The following CUX2 variants were observed in gnomAD, a reference collection of about 807,000 sequenced individuals.
CUX2 encodes the protein cut like homeobox 2, also known as homeobox protein cut-like 2.
In CUX2, 40 loss-of-function variants were observed where a neutral mutation model predicts 144.8. The ratio of observed to expected loss-of-function variants is 0.28; its 90% confidence interval spans 0.21 to 0.36. The LOEUF is 0.36. Ranked by LOEUF, CUX2 falls within the 10% of genes least tolerant of loss-of-function variation. The pLI, the probability that CUX2 is intolerant of heterozygous loss-of-function variation, is 1.00. For synonymous variants in CUX2, 827 were observed against 875.6 expected, an observed-to-expected ratio of 0.94 and a Z score of 0.98; for missense variants, 1,615 against 1,994.0, an observed-to-expected ratio of 0.81 and a Z score of 3.62.
chr12:111,045,077 C>T (rs1014730059), intron 1 of CUX2, among the ~76,000 whole-genome samples: 14 of 152,188 alleles, frequency 9.2e-5, no homozygotes, highest in Admixed American at 7.9e-4. Flanking sequence ...TCATCCAGGA[C>T]ACAAGACAGC....
At chr12:111,119,508 C>T (rs1874502689) in intron 1 of CUX2, among the ~76,000 whole-genome samples, 1 of 152,060 alleles carries the variant, frequency 6.6e-6, no homozygotes, top group South Asian at 2.1e-4. Flanking sequence ...TGAATGTTCC[C>T]ACTGAGCCAA....
chr12:111,126,903 C>T (rs548507762), intron 1 of CUX2, among the ~76,000 whole-genome samples: 1 of 152,238 alleles, frequency 6.6e-6, no homozygotes, highest in South Asian at 2.1e-4. Flanking sequence ...ATCCTGTGTA[C>T]AACCAAAAAT....
chr12:111,296,639 C>G lies in CUX2; in HGVS notation c.704+100C>G, dbSNP rs941251306. ...GTACTTGCCTCCTCCCTCTGACCCT[C>G]CCAGACACACCTCCTCCCTCTGACC... On this transcript the variant is annotated intron_variant, in intron 8 of 21. Transcript: ENST00000261726. 1.3e-4 allele frequency: 134 copies of G among 1,052,418 alleles called. 2 individuals are homozygous for G. In the South Asian group the frequency reaches 1.8e-3, roughly 14 times the overall value. The allele number at this position is 1,052,418 out of a possible 1,614,324, so 65.2% of individuals were successfully genotyped here.
intron 5 of CUX2, among the ~76,000 whole-genome samples, chr12:111,292,021 GAA>G (rs1270659647): frequency 6.6e-6 from 1 of 152,184 alleles, no homozygotes; most frequent in African/African-American, 2.4e-5. Flanking sequence ...GTAGGGAGGG[GAA>G]AATGTCTGGC....
chr12:111,041,649 C>G (rs1018114478), intron 1 of CUX2, among the ~76,000 whole-genome samples: 2 of 152,212 alleles, frequency 1.3e-5, no homozygotes, highest in Admixed American at 1.3e-4. Context: ...ATCAGGAGCT[C>G]TGGCCACTGT....
At chr12:111,135,253 G>T (rs550645311) in intron 1 of CUX2, among the ~76,000 whole-genome samples, 1 of 152,254 alleles carries the variant, frequency 6.6e-6, no homozygotes, top group Admixed American at 6.5e-5. Flanking sequence ...TGTGGGATAG[G>T]TAGAGCTCAT....
At chr12:111,316,449 CT>C (rs35751838) in intron 16 of CUX2, among the ~76,000 whole-genome samples, 163 of 113,320 alleles carry the variant, frequency 1.4e-3, no homozygotes, top group Admixed American at 1.3e-3. Flanking sequence ...CCCGGCACTT[CT>C]TTTTTTTTTT....
intron 1 of CUX2, among the ~76,000 whole-genome samples, chr12:111,091,044 G>A (rs568260971): frequency 1.1e-4 from 16 of 152,254 alleles, no homozygotes; most frequent in East Asian, 5.8e-4. Context: ...GTCTGTGCCC[G>A]GCTGCGCCGT....
rs954472479 is a variant in CUX2, at chr12:111,314,639, TAAAA to T, written c.2002+2464_2002+2467del. 1.2e-3 allele frequency among the ~76,000 whole-genome samples: 29 copies of T among 23,238 alleles called. 1 individual carries two copies. Among genetic ancestry groups the T allele is most frequent in the Middle Eastern group, 0.029 (1 of 34 alleles). The allele number at this position is 23,238 out of a possible 152,430, so 15.2% of individuals were successfully genotyped here. A position where few individuals can be genotyped will look rare whatever the true frequency, so the allele number is the denominator to read the frequency against. On this transcript the variant is annotated intron_variant, in intron 16 of 21. Coordinates refer to ENST00000261726, the MANE Select transcript of CUX2 (RefSeq NM_015267.4). The stretch of plus-strand genomic sequence containing the variant: ...TGCGCAACAAGAGCAAAACTCAGTC[TAAAA>T]AAAAAAAAAAAAAAAAAAAAAAAAA...
In CUX2 at chr12:111,310,756, C is replaced by A. The variant is rs1398637907; in HGVS notation, c.1900+74C>A. On this transcript the variant is annotated intron_variant, in intron 15 of 21. Transcript: ENST00000261726. The surrounding 1 kb of genome is among the most constrained non-coding windows in gnomAD (Gnocchi z 7.9). ...GGGCATCAGGGCTGGGGGCTGAGGA[C>A]ACGCGCTCTGGGTTCAAAGCCCAGC... The A allele has an allele frequency of 4.1e-6, 6 of 1,481,280 alleles. 1 individual carries two copies. The African/African-American group carries it at 6.9e-5, about 17-fold the overall frequency. 91.8% of individuals were successfully genotyped at this position (1,481,280 alleles called of 1,614,324 possible).
At position 111,080,393 on chromosome 12, in the gene CUX2, C is replaced by T. The variant is rs190731587; in HGVS notation, c.63+46153C>T. 1.1e-4 allele frequency among the ~76,000 whole-genome samples: 16 copies of T among 152,124 alleles called. No individual in the cohort carries two copies. In the East Asian group the frequency reaches 3.1e-3, roughly 29 times the overall value. On this transcript the variant is annotated intron_variant, in intron 1 of 21. Coordinates refer to ENST00000261726, the MANE Select transcript of CUX2 (RefSeq NM_015267.4). ...CCCATTAAAATGTCAGCTCTAGGGC[C>T]AGGAGTGGTGGCTCACGCCTGTAAT...
intron 3 of CUX2, among the ~76,000 whole-genome samples, chr12:111,250,296 CTT>C (rs1190178349): frequency 6.6e-6 from 1 of 152,108 alleles, no homozygotes; most frequent in Non-Finnish European, 1.5e-5. Flanking sequence ...CCCCAAATTC[CTT>C]ACCACACAAC....
In CUX2 at chr12:111,289,806, G is replaced by T. The variant is rs1885577571; in HGVS notation, c.302-1612G>T. Among the ~76,000 whole-genome samples, 2 of 152,070 alleles carry T rather than the reference G, an allele frequency of 1.3e-5. No individual in the cohort carries two copies. Among genetic ancestry groups the T allele is most frequent in the Admixed American group, 6.6e-5 (1 of 15,254 alleles). On this transcript the variant is annotated intron_variant, in intron 4 of 21. Coordinates refer to ENST00000261726, the MANE Select transcript of CUX2 (RefSeq NM_015267.4). The surrounding 1 kb of genome is among the most constrained non-coding windows in gnomAD (Gnocchi z 4.1). ...CAGGTCCACCGAGAAGCACACCAAGGATTACATGGGAGAGGATATTGGTGC... is the reference window on the plus strand; with the variant it reads ...CAGGTCCACCGAGAAGCACACCAAGTATTACATGGGAGAGGATATTGGTGC...
At chr12:111,202,409 T>A (rs1880649069) in intron 1 of CUX2, among the ~76,000 whole-genome samples, 2 of 152,088 alleles carry the variant, frequency 1.3e-5, no homozygotes, top group South Asian at 4.2e-4. Context: ...GCCGACAAGA[T>A]AATTAGGCGT....
chr12:111,188,545 G>T (rs1020153939), intron 1 of CUX2, among the ~76,000 whole-genome samples: 2 of 152,154 alleles, frequency 1.3e-5, no homozygotes, highest in South Asian at 4.1e-4. Flanking sequence ...AATCTAGGGA[G>T]AAAGAGGTCC....
At chr12:111,107,618 A>G (rs943292279) in intron 1 of CUX2, among the ~76,000 whole-genome samples, 3 of 152,214 alleles carry the variant, frequency 2.0e-5, no homozygotes, top group Non-Finnish European at 2.9e-5. Context: ...CCCGTCCTCT[A>G]GGTGAGGGAG....
chr12:111,257,780 C>T (rs1883916090), intron 3 of CUX2, among the ~76,000 whole-genome samples: 1 of 151,210 alleles, frequency 6.6e-6, no homozygotes, highest in African/African-American at 2.4e-5. Context: ...CTTCCTCCAT[C>T]CTCCTCCTCC....
intron 1 of CUX2, among the ~76,000 whole-genome samples, chr12:111,209,454 A>G (rs1881091482): frequency 6.6e-6 from 1 of 152,216 alleles, no homozygotes; most frequent in African/African-American, 2.4e-5. Flanking sequence ...AGTGATCCAT[A>G]TCTCAAAAAG....
chr12:111,306,809 A>G, intron 10 of CUX2, 112 bp from the exon 11 acceptor site: 1 of 821,482 alleles, frequency 1.2e-6, no homozygotes, highest in Admixed American at 2.3e-5. Flanking sequence ...ACCCCATACC[A>G]TCATCCAGAT....
Sources: gnomAD v4.1 joint callset for allele counts (sites outside exome capture counted in the v4.1 genomes callset) on GRCh38, gnomAD v4.1.1 for gene constraint, Gnocchi (gnomAD v3.1) non-coding constraint, MANE v1.5 for transcripts, NCBI Gene and HGNC (gene_info 2026-07-23, HGNC 2026-07-21) for gene names.